The following BBX variants were observed in gnomAD, a reference collection of about 807,000 sequenced individuals.
BBX encodes the protein HMG box transcription factor BBX.
A neutral mutation model predicts 100.2 loss-of-function variants in BBX; 30 were observed. The ratio of observed to expected loss-of-function variants is 0.30; its 90% CI spans 0.22 to 0.41. The LOEUF is 0.41. BBX is among the 10% of genes least tolerant of loss of function. The pLI, the probability that BBX is intolerant of heterozygous loss-of-function variation, is 1.00. For missense variants in BBX, 1,023 were observed against 1,129.8 expected, an observed-to-expected ratio of 0.91 and a Z score of 1.35; for synonymous variants, 376 against 388.1, an observed-to-expected ratio of 0.97 and a Z score of 0.37.
intron 2 of BBX, among the ~76,000 whole-genome samples, chr3:107,634,800 T>C (rs955352279): frequency 6.6e-6 from 1 of 152,230 alleles, no homozygotes; most frequent in African/African-American, 2.4e-5. Flanking sequence ...ATCTTAGGTC[T>C]GAATTTACAT....
chr3:107,659,874 T>A, intron 3 of BBX: 1 of 576,514 alleles, frequency 1.7e-6, no homozygotes, highest in Non-Finnish European at 2.6e-6. Context: ...CAGGATAAAT[T>A]AAGAGGGACG....
chr3:107,620,433 G>A (rs941043581), intron 2 of BBX, among the ~76,000 whole-genome samples: 2 of 152,140 alleles, frequency 1.3e-5, no homozygotes, highest in African/African-American at 2.4e-5. Flanking sequence ...CTTGGCTTTG[G>A]TATGAGAAGT....
At chr3:107,714,137 G>T (rs1360766841) in intron 4 of BBX, among the ~76,000 whole-genome samples, 10 of 151,398 alleles carry the variant, frequency 6.6e-5, no homozygotes, top group African/African-American at 2.4e-4. Flanking sequence ...CACCACTCCT[G>T]GCTAACTTTT....
intron 3 of BBX, among the ~76,000 whole-genome samples, chr3:107,702,576 A>G (rs1472059740): frequency 2.0e-5 from 3 of 152,178 alleles, no homozygotes; most frequent in Admixed American, 6.5e-5. Context: ...TAGCACAGAA[A>G]TCTTTGCTCT....
At chr3:107,537,933 A>T (rs1370560066) in intron 2 of BBX, among the ~76,000 whole-genome samples, 1 of 152,248 alleles carries the variant, frequency 6.6e-6, no homozygotes, top group African/African-American at 2.4e-5. Flanking sequence ...TTCAAAGCTC[A>T]CATCAGTAAT....
intron 10 of BBX, among the ~76,000 whole-genome samples, chr3:107,758,904 C>T (rs953185343): frequency 6.6e-6 from 1 of 152,184 alleles, no homozygotes; most frequent in Non-Finnish European, 1.5e-5. Flanking sequence ...AAACTAACTA[C>T]TCACCTTTCC....
intron 3 of BBX, among the ~76,000 whole-genome samples, chr3:107,665,832 T>G (rs1244207525): frequency 6.6e-6 from 1 of 152,160 alleles, no homozygotes; most frequent in Non-Finnish European, 1.5e-5. Context: ...TTTGAGTCAG[T>G]ATTGATTCTT....
chr3:107,767,934 G>A (rs2066528772), intron 10 of BBX, among the ~76,000 whole-genome samples: 1 of 152,214 alleles, frequency 6.6e-6, no homozygotes, highest in African/African-American at 2.4e-5. Context: ...CTGGTAAAGA[G>A]GCATCAGGGT....
chr3:107,664,170 C>A (rs182913172), intron 3 of BBX, among the ~76,000 whole-genome samples: 4 of 152,184 alleles, frequency 2.6e-5, no homozygotes, highest in Admixed American at 2.0e-4. Context: ...AGGAAAAGTT[C>A]TTGAGTCCTG....
chr3:107,790,104 C>A (rs2068845563), intron 14 of BBX, among the ~76,000 whole-genome samples: 1 of 152,078 alleles, frequency 6.6e-6, no homozygotes, highest in African/African-American at 2.4e-5. Context: ...TTTTCAGAGC[C>A]CCATATGAAT....
intron 14 of BBX, among the ~76,000 whole-genome samples, chr3:107,791,018 A>AGT (rs1472734975): frequency 1.3e-5 from 2 of 152,212 alleles, no homozygotes; most frequent in Non-Finnish European, 2.9e-5. Context: ...CCAACACTAT[A>AGT]TTTCATAAAA....
chr3:107,686,507 G>A (rs970930037), intron 3 of BBX, among the ~76,000 whole-genome samples: 2 of 151,712 alleles, frequency 1.3e-5, no homozygotes, highest in African/African-American at 4.8e-5. Flanking sequence ...TTTTAAAACT[G>A]TTTTGGAAGA....
intron 2 of BBX, among the ~76,000 whole-genome samples, chr3:107,637,833 C>T (rs1442634813): frequency 6.6e-6 from 1 of 152,192 alleles, no homozygotes; most frequent in Non-Finnish European, 1.5e-5. Context: ...CCCTGATGGA[C>T]TCTAAGGAAA....
chr3:107,529,658 T>A (rs1217096474), intron 2 of BBX, among the ~76,000 whole-genome samples: 1 of 152,252 alleles, frequency 6.6e-6, no homozygotes, highest in African/African-American at 2.4e-5. Context: ...TTCTGTATTT[T>A]AAGTCATACC....
intron 2 of BBX, among the ~76,000 whole-genome samples, chr3:107,577,671 A>C (rs2051898514): frequency 6.6e-6 from 1 of 152,238 alleles, no homozygotes; most frequent in Non-Finnish European, 1.5e-5. Context: ...GCAATTGATA[A>C]TAAATAGTAA....
Position 107,774,746 on chromosome 3 carries a change from C to A in BBX, c.1943C>A (p.Ser648Tyr). Residue 648 changes from serine (S) to tyrosine (Y), a missense_variant, in exon 12 of 18, where the codon TCC becomes TAC. Ser to Tyr is a moderately radical substitution (Grantham distance 144, BLOSUM62 -2). This residue lies in a region of BBX where 215 missense variants were observed against 211.3 expected (regional missense o/e 1.02). Coordinates refer to ENST00000325805, the MANE Select transcript of BBX (RefSeq NM_001142568.3). ...RGKRSSGKGN[S>Y]SDHEGCWNEE... ...AAACGAAGCTCAGGAAAAGGAAACT[C>A]CTCTGATCATGAAGGGTGTTGGAAT... is the stretch of plus-strand genomic sequence containing the variant. The A allele has an allele frequency of 6.2e-7, 1 of 1,613,384 alleles. No homozygotes were observed.
In BBX at chr3:107,638,778, TATACACACAC is replaced by T. The variant is rs1321396446; in HGVS notation, c.-83-7056_-83-7047del. Among the ~76,000 whole-genome samples the T allele has an allele frequency of 4.2e-4, 9 of 21,626 alleles. 2 individuals are homozygous for T. Among genetic ancestry groups the T allele is most frequent in the East Asian group, 0.014 (2 of 146 alleles). The allele number at this position is 21,626 out of a possible 152,430, so 14.2% of individuals were successfully genotyped here. A position where few individuals can be genotyped will look rare whatever the true frequency, so the allele number is the denominator to read the frequency against. On this transcript the variant is annotated intron_variant, in intron 2 of 17. Coordinates refer to ENST00000325805, the MANE Select transcript of BBX (RefSeq NM_001142568.3). ...TCTACCAAAAAAAAAAAAAAAAAAG[TATACACACAC>T]ACACACACACACACACACACACACA...
chr3:107,746,947 T>C lies in BBX; in HGVS notation c.751-1018T>C, dbSNP rs145744083. Among the ~76,000 whole-genome samples, 57 of 152,280 alleles carry C rather than the reference T, an allele frequency of 3.7e-4. 1 individual carries two copies. The East Asian group carries it at 0.011, about 29-fold the overall frequency. ...AACAGTTACTTGAAGGAAAGACTTG[T>C]GGGATTGGGAATGGGCTGAAGTTAT... On this transcript the variant is annotated intron_variant, in intron 8 of 17. Coordinates refer to ENST00000325805, the MANE Select transcript of BBX (RefSeq NM_001142568.3).
At chr3:107,711,169 G>A (rs1279231713) in intron 4 of BBX, 2 of 349,340 alleles carry the variant, frequency 5.7e-6, no homozygotes, top group Non-Finnish European at 1.2e-5. Context: ...CGTCTCAAGT[G>A]TTCGTCCCAC....
Sources: allele counts gnomAD v4.1 joint callset (sites outside exome capture counted in the v4.1 genomes callset), GRCh38; gene constraint gnomAD v4.1.1; regional missense constraint gnomAD v4.1.1; transcripts MANE v1.5; gene names NCBI Gene and HGNC (gene_info 2026-07-23, HGNC 2026-07-21).